GXYLT2: variants seen among roughly 807,000 people sequenced by gnomAD.
GXYLT2 encodes glycosyltransferase 8 domain containing 4.
GXYLT2 carries 53 observed loss-of-function variants against 45.8 expected under a neutral mutation model. The observed-to-expected ratio is 1.16, with a 90% CI of 0.93 to 1.46. GXYLT2 has a LOEUF of 1.46. GXYLT2 is among the 40% of genes most tolerant of loss of function. The pLI is 0.00. For missense variants in GXYLT2, 551 were observed against 544.4 expected, an observed-to-expected ratio of 1.01 and a Z score of -0.12; for synonymous variants, 219 against 214.2, an observed-to-expected ratio of 1.02 and a Z score of -0.19.
At chr3:72,971,837 T>C (rs1233638754) in intron 6 of GXYLT2, among the ~76,000 whole-genome samples, 2 of 125,340 alleles carry the variant, frequency 1.6e-5, no homozygotes, top group African/African-American at 5.0e-5. Flanking sequence ...TAATCCCAGC[T>C]ACTTGGGAGG....
chr3:72,925,874 C>T (rs1043441495), intron 3 of GXYLT2, among the ~76,000 whole-genome samples: 2 of 152,094 alleles, frequency 1.3e-5, no homozygotes, highest in African/African-American at 4.8e-5. Context: ...ATAATGGAAA[C>T]GAGCCCTCTT....
intron 6 of GXYLT2, among the ~76,000 whole-genome samples, chr3:72,972,277 A>G (rs1048006914): frequency 6.6e-6 from 1 of 152,142 alleles, no homozygotes; most frequent in African/African-American, 2.4e-5. Context: ...TGAAGCATCT[A>G]TTTTATGCAG....
At chr3:72,916,822 G>T (rs140966921) in intron 2 of GXYLT2, among the ~76,000 whole-genome samples, 49 of 151,600 alleles carry the variant, frequency 3.2e-4, no homozygotes, top group African/African-American at 1.1e-3. Context: ...TCGCCCAGCC[G>T]CAGTTGAGTT....
chr3:72,961,890 A>G (rs1384880036), intron 5 of GXYLT2, among the ~76,000 whole-genome samples: 1 of 152,202 alleles, frequency 6.6e-6, no homozygotes, highest in Admixed American at 6.5e-5. Flanking sequence ...GTGATAAGGC[A>G]GGGCATCAGG....
intron 2 of GXYLT2, among the ~76,000 whole-genome samples, chr3:72,908,999 T>C (rs1225850253): frequency 5.9e-5 from 9 of 152,080 alleles, no homozygotes; most frequent in Admixed American, 5.9e-4. Flanking sequence ...GTGCTGGGGT[T>C]ATAGGCATGT....
At chr3:72,965,394 GA>G (rs1310763682) in intron 5 of GXYLT2, among the ~76,000 whole-genome samples, 1 of 152,148 alleles carries the variant, frequency 6.6e-6, no homozygotes, top group Non-Finnish European at 1.5e-5. Flanking sequence ...AGCACATCTT[GA>G]AGTTGCTTTT....
At chr3:72,936,577 A>G (rs1710184372) in intron 3 of GXYLT2, among the ~76,000 whole-genome samples, 1 of 151,820 alleles carries the variant, frequency 6.6e-6, no homozygotes, top group Admixed American at 6.6e-5. Context: ...GAGGCAGAAG[A>G]TGTAGTGAGC....
chr3:72,905,816 T>C (rs1194094897), intron 1 of GXYLT2, among the ~76,000 whole-genome samples: 1 of 152,214 alleles, frequency 6.6e-6, no homozygotes, highest in East Asian at 1.9e-4. Context: ...TATTTTACTT[T>C]GTAGTTTTTG....
At chr3:72,889,133 C>T (rs1185887873) in intron 1 of GXYLT2, among the ~76,000 whole-genome samples, 1 of 151,208 alleles carries the variant, frequency 6.6e-6, no homozygotes, top group Non-Finnish European at 1.5e-5. Flanking sequence ...ACAACTTAAC[C>T]TTCGACCTTC....
At position 72,955,091 on chromosome 3, in the gene GXYLT2, C is replaced by T. The variant is rs1710609759; in HGVS notation, c.601-7C>T. On this transcript the variant is annotated splice_polypyrimidine_tract_variant and splice_region_variant and intron_variant, in intron 3 of 6. Coordinates refer to ENST00000389617, the MANE Select transcript of GXYLT2 (RefSeq NM_001080393.2). ...CTCCCCTTTACACCCACTCCTTACA[C>T]ACAAAGGTGATTTTAAAGGATGTGG... is the stretch of plus-strand genomic sequence containing the variant. 1 of 1,613,416 alleles carries T rather than the reference C, an allele frequency of 6.2e-7. No individual in the cohort carries two copies. The highest frequency in any genetic ancestry group is 1.3e-5 in the African/African-American group (1 of 75,064).
chr3:72,913,740 T>C (rs1230481800), intron 2 of GXYLT2, among the ~76,000 whole-genome samples: 2 of 152,086 alleles, frequency 1.3e-5, no homozygotes, highest in Non-Finnish European at 2.9e-5. Flanking sequence ...CTAGGCAGGG[T>C]GTATACTACC....
At chr3:72,903,983 A>C (rs1416433581) in intron 1 of GXYLT2, among the ~76,000 whole-genome samples, 2 of 152,224 alleles carry the variant, frequency 1.3e-5, no homozygotes, top group African/African-American at 4.8e-5. Context: ...CCCTGCCATC[A>C]TCTGACTCTG....
intron 3 of GXYLT2, among the ~76,000 whole-genome samples, chr3:72,931,168 A>G (rs1164474288): frequency 1.3e-5 from 2 of 152,186 alleles, no homozygotes; most frequent in African/African-American, 4.8e-5. Context: ...AACAGAAAGA[A>G]ATTTGGGAAG....
chr3:72,969,335 G>A lies in GXYLT2; in HGVS notation c.1149+1616G>A, dbSNP rs1422590468. ...TTGACCCCAGGAGTTCAAGGCTGCA[G>A]TGAGCTATGATTGCACCACTTCACT... On this transcript the variant is annotated intron_variant, in intron 6 of 6. Coordinates refer to ENST00000389617, the MANE Select transcript of GXYLT2 (RefSeq NM_001080393.2). Among the ~76,000 whole-genome samples the A allele has an allele frequency of 2.7e-5, 4 of 150,916 alleles. No homozygotes were observed. The Admixed American group carries it at 2.7e-4, about 10-fold the overall frequency.
chr3:72,911,512 C>T (rs6795029), intron 2 of GXYLT2, among the ~76,000 whole-genome samples: 2,616 of 152,266 alleles, frequency 0.017, 82 homozygotes, highest in African/African-American at 0.06. Context: ...AGGCACTTCA[C>T]CTTCCATCTC....
At position 72,908,380 on chromosome 3, in the gene GXYLT2, C is replaced by G. The variant is rs1476447133; in HGVS notation, c.289C>G (p.Pro97Ala). Residue 97 changes from proline (P) to alanine (A), a missense_variant, in exon 2 of 7, where the codon CCC becomes GCC. Coordinates refer to ENST00000389617, the MANE Select transcript of GXYLT2 (RefSeq NM_001080393.2). ...CCCTCTTTCTAGGAGGCCTGGAGAA[C>G]CCAGGAGTTTCCAAGCTGTGCTGCC... ...LEKLARRPGE[P>A]RSFQAVLPPE... The G allele has an allele frequency of 6.2e-7, 1 of 1,608,212 alleles. No individual in the cohort carries two copies. The highest frequency in any genetic ancestry group is 1.1e-5 in the South Asian group (1 of 89,948).
intron 5 of GXYLT2, among the ~76,000 whole-genome samples, chr3:72,961,528 A>G (rs1710768630): frequency 1.3e-5 from 2 of 152,026 alleles, no homozygotes; most frequent in African/African-American, 4.8e-5. Flanking sequence ...GTCTGATTCT[A>G]TTCTGTCTCT....
rs148657914 is a variant in GXYLT2, at chr3:72,933,758, G to A, written c.600+11423G>A. Among the ~76,000 whole-genome samples, 240 of 152,108 alleles carry A rather than the reference G, an allele frequency of 1.6e-3. 1 individual carries two copies. Among genetic ancestry groups the A allele is most frequent in the Non-Finnish European group, 2.8e-3 (191 of 67,992 alleles). ...ACCCTGTCTCTACAAAGAATTAACC[G>A]GGTGTGGTGGCACAGGTCTGTAGTC... is the stretch of plus-strand genomic sequence containing the variant. On this transcript the variant is annotated intron_variant, in intron 3 of 6. Transcript: ENST00000389617.
intron 3 of GXYLT2, among the ~76,000 whole-genome samples, chr3:72,930,458 T>C (rs1435556820): frequency 6.7e-6 from 1 of 148,664 alleles, no homozygotes; most frequent in African/African-American, 2.5e-5. Context: ...GCCAAGATCA[T>C]GCCACTGCAC....
Sources: allele counts gnomAD v4.1 joint callset (sites outside exome capture counted in the v4.1 genomes callset), GRCh38; gene constraint gnomAD v4.1.1; transcripts MANE v1.5; gene names NCBI Gene and HGNC (gene_info 2026-07-23, HGNC 2026-07-21).